The following ACVR1C variants were observed in gnomAD, a reference collection of about 807,000 sequenced individuals.
The protein encoded by ACVR1C is activin receptor type-1C.
In ACVR1C, 23 loss-of-function variants were observed where a neutral mutation model predicts 57.9. The ratio of observed to expected loss-of-function variants is 0.40; its 90% CI spans 0.29 to 0.56. The LOEUF (loss-of-function observed/expected upper bound fraction) is 0.56, where lower values mean the gene tolerates loss of function less well. Among genes scored for constraint, ACVR1C ranks in the 20% least tolerant of loss-of-function variants. The probability of loss-of-function intolerance (pLI) is 0.50; values close to 1 mark genes in which losing one functional copy is unlikely to be tolerated. For synonymous variants in ACVR1C, 214 were observed against 215.3 expected (o/e 0.99, Z 0.05); for missense variants, 480 against 607.9 (o/e 0.79, Z 2.21).
chr2:157,529,023 AAAG>A lies in ACVR1C; in HGVS notation c.*4892_*4894del, dbSNP rs1278552041. ...CTGCCAAACATTTTTTAATGCACTAAAAGAAGATGAATGCCAAAGACAAACTAA... is the reference window on the plus strand; with the variant it reads ...CTGCCAAACATTTTTTAATGCACTAAAAGATGAATGCCAAAGACAAACTAA... On this transcript the variant is annotated 3_prime_UTR_variant, in exon 9 of 9. Coordinates refer to ENST00000243349, the MANE Select transcript of ACVR1C (RefSeq NM_145259.3). 2 of 152,164 alleles carry A rather than the reference AAAG, an allele frequency of 1.3e-5. No homozygotes were observed. The highest frequency in any genetic ancestry group is 4.8e-5 in the African/African-American group (2 of 41,444). 9.4% of individuals were successfully genotyped at this position (152,164 alleles called of 1,614,324 possible).
intron 2 of ACVR1C, among the ~76,000 whole-genome samples, chr2:157,582,248 C>T (rs1351036694): frequency 6.6e-6 from 1 of 152,034 alleles, no homozygotes; most frequent in Non-Finnish European, 1.5e-5. Flanking sequence ...TCGCTTGAGC[C>T]CAGGAGTTCA....
At position 157,536,363 on chromosome 2, in the gene ACVR1C, T is replaced by G. The variant is rs180988303; in HGVS notation, c.1356+2210A>C. Among the ~76,000 whole-genome samples the G allele has an allele frequency of 5.3e-5, 8 of 152,286 alleles. No homozygotes were observed. In the East Asian group the frequency reaches 1.4e-3, roughly 26 times the overall value. On this transcript the variant is annotated intron_variant, in intron 8 of 8. Coordinates refer to ENST00000243349, the MANE Select transcript of ACVR1C (RefSeq NM_145259.3). ...AGAGACATCTATACTGAAGACATCA[T>G]AGAGAAACTGCAGAATGCTGAAGAC...
chr2:157,590,650 A>G (rs1329790340), intron 1 of ACVR1C, among the ~76,000 whole-genome samples: 1 of 151,946 alleles, frequency 6.6e-6, no homozygotes, highest in Non-Finnish European at 1.5e-5. Flanking sequence ...CTTTTTCATC[A>G]ATATTTATGT....
At chr2:157,562,770 C>G (rs763365026) in intron 2 of ACVR1C, among the ~76,000 whole-genome samples, 39 of 152,142 alleles carry the variant, frequency 2.6e-4, no homozygotes, top group Non-Finnish European at 4.4e-4. Flanking sequence ...GTTTAACCAT[C>G]ACGATCAAGT....
At chr2:157,592,963 C>G (rs1689079824) in intron 1 of ACVR1C, among the ~76,000 whole-genome samples, 1 of 152,028 alleles carries the variant, frequency 6.6e-6, no homozygotes, top group African/African-American at 2.4e-5. Flanking sequence ...AAACAATTAC[C>G]CATAATAAGG....
rs571269477 is a variant in ACVR1C at position 157,590,123 on chromosome 2, A to T, written c.74-2706T>A. Among the ~76,000 whole-genome samples the T allele has an allele frequency of 2.6e-4, 40 of 152,062 alleles. 1 individual carries two copies. The highest frequency in any genetic ancestry group is 7.0e-4 in the African/African-American group (29 of 41,534). ...ATTCTCAACATTCTCTAGGTAAAAA[A>T]TTTATGACTAAGACCCCAAAAGCAA... On this transcript the variant is annotated intron_variant, in intron 1 of 8. Transcript: ENST00000243349.
At chr2:157,621,902 G>A (rs1361706519) in intron 1 of ACVR1C, among the ~76,000 whole-genome samples, 2 of 152,140 alleles carry the variant, frequency 1.3e-5, no homozygotes, top group African/African-American at 4.8e-5. Context: ...TTGAAAAGAA[G>A]AGCGTATTCA....
intron 7 of ACVR1C, 146 bp from the exon 8 acceptor site, chr2:157,538,849 A>G (rs1347149027): frequency 7.5e-6 from 4 of 536,524 alleles, no homozygotes; most frequent in Non-Finnish European, 1.1e-5. Flanking sequence ...TGTCACTATA[A>G]AATCAAGGAT....
Position 157,534,098 on chromosome 2 carries a change from C to A in ACVR1C, c.1357-55G>T. Reference sequence around the variant, plus strand: ...TTTAGCTACTCTACATAAAACAGAGCACAAAAGAAGTAAAGCCATAAATCC... The same window carrying A: ...TTTAGCTACTCTACATAAAACAGAGAACAAAAGAAGTAAAGCCATAAATCC... On this transcript the variant is annotated intron_variant, in intron 8 of 8. Transcript: ENST00000243349. 4 of 1,372,056 alleles carry A rather than the reference C, an allele frequency of 2.9e-6. No homozygotes were observed. In the South Asian group the frequency reaches 5.9e-5, roughly 20 times the overall value. The allele number at this position is 1,372,056 out of a possible 1,614,324, so 85.0% of individuals were successfully genotyped here.
At chr2:157,552,128 TTTTG>T (rs769268253) in intron 3 of ACVR1C, among the ~76,000 whole-genome samples, 86 of 152,174 alleles carry the variant, frequency 5.7e-4, no homozygotes, top group African/African-American at 9.9e-4. Flanking sequence ...TGTTGGTTTG[TTTTG>T]TTTGTTTGTT....
chr2:157,610,518 A>G (rs1243785611), intron 1 of ACVR1C, among the ~76,000 whole-genome samples: 1 of 152,190 alleles, frequency 6.6e-6, no homozygotes, highest in African/African-American at 2.4e-5. Flanking sequence ...ACCATGAAGA[A>G]GACATTTTTG....
chr2:157,563,732 G>A (rs1333854709), intron 2 of ACVR1C, among the ~76,000 whole-genome samples: 2 of 152,218 alleles, frequency 1.3e-5, no homozygotes, highest in African/African-American at 4.8e-5. Context: ...CAAGGCTACA[G>A]TAACCAAAAC....
At chr2:157,591,856 G>A (rs1005340219) in intron 1 of ACVR1C, among the ~76,000 whole-genome samples, 22 of 151,988 alleles carry the variant, frequency 1.4e-4, no homozygotes, top group Admixed American at 3.3e-4. Context: ...ATAACAAAAT[G>A]AGGCTCAAAA....
intron 7 of ACVR1C, among the ~76,000 whole-genome samples, chr2:157,539,566 T>A (rs976045009): frequency 3.9e-5 from 6 of 152,202 alleles, no homozygotes; most frequent in Admixed American, 2.6e-4. Flanking sequence ...TAGACTAATA[T>A]CAATATGAAA....
At chr2:157,556,873 G>C (rs992410985) in intron 2 of ACVR1C, among the ~76,000 whole-genome samples, 2 of 151,922 alleles carry the variant, frequency 1.3e-5, no homozygotes, top group Non-Finnish European at 2.9e-5. Flanking sequence ...ATGTTGGCCA[G>C]GCTGGTCTCA....
chr2:157,549,279 C>T (rs1026635785), intron 4 of ACVR1C, among the ~76,000 whole-genome samples: 5 of 152,164 alleles, frequency 3.3e-5, no homozygotes, highest in East Asian at 1.9e-4. Context: ...GCAGGAGAAT[C>T]GCTTGAACCC....
chr2:157,616,309 A>G (rs969451152), intron 1 of ACVR1C, among the ~76,000 whole-genome samples: 3 of 152,104 alleles, frequency 2.0e-5, no homozygotes, highest in Non-Finnish European at 4.4e-5. Flanking sequence ...TACATCTTCA[A>G]ATTTATGATT....
chr2:157,575,560 T>C (rs1688625360), intron 2 of ACVR1C, among the ~76,000 whole-genome samples: 1 of 152,218 alleles, frequency 6.6e-6, no homozygotes, highest in Non-Finnish European at 1.5e-5. Flanking sequence ...TGAACCATTA[T>C]GCCTGGCCAA....
At chr2:157,586,945 A>G (rs897728612) in intron 2 of ACVR1C, among the ~76,000 whole-genome samples, 1 of 152,176 alleles carries the variant, frequency 6.6e-6, no homozygotes, top group Non-Finnish European at 1.5e-5. Context: ...CAAAAATACA[A>G]TTCACGTGGA....
Sources: gnomAD v4.1 joint callset for allele counts (sites outside exome capture counted in the v4.1 genomes callset) on GRCh38, gnomAD v4.1.1 for gene constraint, MANE v1.5 for transcripts, NCBI Gene and HGNC (gene_info 2026-07-23, HGNC 2026-07-21) for gene names.